ST14: variants seen among roughly 807,000 people sequenced by gnomAD.
ST14 encodes the protein ST14 transmembrane serine protease matriptase, also known as suppressor of tumorigenicity 14 protein.
Under a neutral mutation model 96.5 loss-of-function variants are expected in ST14, and 40 were observed. The observed-to-expected ratio is 0.41, with a 90% CI of 0.32 to 0.54. The LOEUF is 0.54. Ranked by LOEUF, ST14 falls within the 20% of genes least tolerant of loss-of-function variation. ST14 has a pLI of 0.17. For synonymous variants in ST14, 506 were observed against 492.1 expected (o/e 1.03, Z -0.37); for missense variants, 1,066 against 1,188.9 (o/e 0.90, Z 1.52).
At chr11:130,163,408 A>G (rs1225421495) in intron 1 of ST14, among the ~76,000 whole-genome samples, 1 of 151,978 alleles carries the variant, frequency 6.6e-6, no homozygotes, top group Non-Finnish European at 1.5e-5. Context: ...AGAAAATTAA[A>G]CTTTTATTTT....
In ST14 at chr11:130,190,695, G is replaced by A; in HGVS notation, c.875+1G>A. 1 of 1,579,006 alleles carries A rather than the reference G, an allele frequency of 6.3e-7. No homozygotes were observed. Among genetic ancestry groups the A allele is most frequent in the Non-Finnish European group, 8.6e-7 (1 of 1,163,128 alleles). On this transcript the variant is annotated splice_donor_variant, in intron 7 of 18. Transcript: ENST00000278742. LOFTEE classifies it high-confidence loss of function. Reference sequence around the variant, plus strand: ...CCATGGAGCCCCACGCCCTGGTGCAGTGAGTACCCCGGGGGGCGGGTAGGG... The same window carrying A: ...CCATGGAGCCCCACGCCCTGGTGCAATGAGTACCCCGGGGGGCGGGTAGGG...
At position 130,200,016 on chromosome 11, in the gene ST14, G is replaced by T; in HGVS notation, c.1873G>T (p.Glu625Ter). 1 of 1,614,128 alleles carries T rather than the reference G, an allele frequency of 6.2e-7. No individual in the cohort carries two copies. The highest frequency in any genetic ancestry group is 8.5e-7 in the Non-Finnish European group (1 of 1,180,022). Reference sequence around the variant, plus strand: ...TGGGGGCACGGATGCGGATGAGGGCGAGTGGCCCTGGCAGGTAAGCCTGCA... The same window carrying T: ...TGGGGGCACGGATGCGGATGAGGGCTAGTGGCCCTGGCAGGTAAGCCTGCA... The part of the protein sequence containing the change: ...VVGGTDADEG[E>*]WPWQVSLHAL... Residue 625 changes from glutamate (E) to a stop codon, truncating the protein, a stop_gained, in exon 16 of 19, where the codon GAG becomes TAG. Coordinates refer to ENST00000278742, the MANE Select transcript of ST14 (RefSeq NM_021978.4). LOFTEE classifies it high-confidence loss of function.
rs1374277485 is a variant in ST14 at position 130,197,881 on chromosome 11, C to A, written c.1395C>A (p.Ile465=). 1 of 1,595,844 alleles carries A rather than the reference C, an allele frequency of 6.3e-7. No homozygotes were observed. Among genetic ancestry groups the A allele is most frequent in the South Asian group, 1.1e-5 (1 of 88,760 alleles). Residue 465 remains isoleucine, a synonymous_variant, in exon 12 of 19, where the codon ATC becomes ATA. Coordinates refer to ENST00000278742, the MANE Select transcript of ST14 (RefSeq NM_021978.4). ...GQFTCRTGRC[I]RKELRCDGWA... ...TCACGTGCCGCACGGGGCGGTGTAT[C>A]CGGAAGGAGCTGCGCTGTGATGGCT... is the stretch of plus-strand genomic sequence containing the variant.
chr11:130,184,341 C>T (rs983812875), intron 1 of ST14, among the ~76,000 whole-genome samples: 8 of 152,152 alleles, frequency 5.3e-5, no homozygotes, highest in Non-Finnish European at 1.2e-4. Context: ...CAAAGTAGAA[C>T]CAAACGCTGA....
Position 130,198,492 on chromosome 11 carries a change from C to T in ST14, c.1571-16C>T. The T allele has an allele frequency of 6.2e-7, 1 of 1,613,738 alleles. No homozygotes were observed. The highest frequency in any genetic ancestry group is 8.5e-7 in the Non-Finnish European group (1 of 1,179,782). On this transcript the variant is annotated splice_polypyrimidine_tract_variant and intron_variant, in intron 13 of 18. Transcript: ENST00000278742. ...TGACGGTGGCTCCTGGTGGCTGAGT[C>T]CTGGTGCCTCTCCAGGTTGTCCGGC...
chr11:130,160,138 G>A lies in ST14; in HGVS notation c.81+78G>A, dbSNP rs1952988001. ...CTGCAGCGCGGCGCTGGGCTCGGCC[G>A]GCTCCCCTGGCGTGTCCGTCGGTGG... is the stretch of plus-strand genomic sequence containing the variant. On this transcript the variant is annotated intron_variant, in intron 1 of 18. Coordinates refer to ENST00000278742, the MANE Select transcript of ST14 (RefSeq NM_021978.4). The A allele has an allele frequency of 4.8e-6, 5 of 1,035,666 alleles. No individual in the cohort carries two copies. In the East Asian group the frequency reaches 1.3e-4, roughly 28 times the overall value. The allele number at this position is 1,035,666 out of a possible 1,614,324, so 64.2% of individuals were successfully genotyped here. A position where few individuals can be genotyped will look rare whatever the true frequency, so the allele number is the denominator to read the frequency against.
chr11:130,161,229 G>A (rs528305768), intron 1 of ST14, among the ~76,000 whole-genome samples: 1 of 152,314 alleles, frequency 6.6e-6, no homozygotes, highest in South Asian at 2.1e-4. Flanking sequence ...TCAGCAAGGA[G>A]GAAAGCTTCC....
Position 130,190,587 on chromosome 11 carries a change from G to C in ST14, c.768G>C (p.Leu256=). ...WALRGDADSV[L]SLTFRSFDLA... is the part of the protein sequence containing the mutation. ...TGCGGGGGGACGCCGACTCAGTGCT[G>C]AGCCTCACCTTCCGCAGCTTTGACC... The change falls in exon 7 of 19, where the codon CTG becomes CTC. Residue 256 remains leucine, a synonymous_variant. Coordinates refer to ENST00000278742, the MANE Select transcript of ST14 (RefSeq NM_021978.4). The C allele has an allele frequency of 6.2e-7, 1 of 1,613,052 alleles. No individual in the cohort carries two copies. The highest frequency in any genetic ancestry group is 8.5e-7 in the Non-Finnish European group (1 of 1,179,876).
intron 1 of ST14, among the ~76,000 whole-genome samples, chr11:130,166,424 G>A (rs116288760): frequency 6.6e-6 from 1 of 152,196 alleles, no homozygotes; most frequent in South Asian, 2.1e-4. Flanking sequence ...TGTGCCTAAG[G>A]GGGGGTCTGT....
At chr11:130,196,499 G>T (rs1040146450) in intron 10 of ST14, 51 bp downstream of exon 10, 3 of 1,578,334 alleles carry the variant, frequency 1.9e-6, no homozygotes, top group South Asian at 2.2e-5. Flanking sequence ...CAGGGGGAGG[G>T]GTCCCACCAG....
intron 1 of ST14, among the ~76,000 whole-genome samples, chr11:130,174,781 C>T (rs1044395170): frequency 3.3e-5 from 5 of 152,316 alleles, no homozygotes; most frequent in African/African-American, 7.2e-5. Context: ...GTGATAAGCA[C>T]CCAACATCCA....
At position 130,160,149 on chromosome 11, in the gene ST14, C is replaced by T. The variant is rs1050794374; in HGVS notation, c.81+89C>T. On this transcript the variant is annotated intron_variant, in intron 1 of 18. Coordinates refer to ENST00000278742, the MANE Select transcript of ST14 (RefSeq NM_021978.4). ...CGCTGGGCTCGGCCGGCTCCCCTGG[C>T]GTGTCCGTCGGTGGCCGAGCTCTGG... 6 of 932,416 alleles carry T rather than the reference C, an allele frequency of 6.4e-6. No individual in the cohort carries two copies. In the African/African-American group the frequency reaches 8.8e-5, roughly 14 times the overall value. 57.8% of individuals were successfully genotyped at this position (932,416 alleles called of 1,614,324 possible). A position where few individuals can be genotyped will look rare whatever the true frequency, so the allele number is the denominator to read the frequency against.
In ST14 at chr11:130,210,024, G is replaced by A. The variant is rs150230720; in HGVS notation, c.*201G>A. On this transcript the variant is annotated 3_prime_UTR_variant, in exon 19 of 19. Transcript: ENST00000278742. ...TCCAAAGTGGAGCTGGGAGGTAGAA[G>A]GGGAGGACACTGGTGGTTCTACTGA... 3 of 673,464 alleles carry A rather than the reference G, an allele frequency of 4.5e-6. No individual in the cohort carries two copies. Among genetic ancestry groups the A allele is most frequent in the African/African-American group, 1.8e-5 (1 of 55,218 alleles). The allele number at this position is 673,464 out of a possible 1,614,324, so 41.7% of individuals were successfully genotyped here.
chr11:130,183,632 C>T (rs1278787277), intron 1 of ST14, among the ~76,000 whole-genome samples: 2 of 151,948 alleles, frequency 1.3e-5, no homozygotes, highest in East Asian at 1.9e-4. Flanking sequence ...CCATGAACAG[C>T]GTATATTGCT....
chr11:130,204,295 A>G (rs530351), intron 16 of ST14, among the ~76,000 whole-genome samples: 107,792 of 152,136 alleles, frequency 0.71, 38,394 homozygotes, highest in South Asian at 0.78. Flanking sequence ...GTCGATTAAC[A>G]GTGAACGCAG....
intron 11 of ST14, among the ~76,000 whole-genome samples, chr11:130,197,528 C>T (rs1368292810): frequency 6.6e-6 from 1 of 152,174 alleles, no homozygotes; most frequent in Non-Finnish European, 1.5e-5. Context: ...CAGGGCAGGG[C>T]AGGGCAGGGC....
Position 130,160,076 on chromosome 11 carries a change from G to A in ST14, c.81+16G>A. 1.4e-6 allele frequency: 2 copies of A among 1,416,120 alleles called. No homozygotes were observed. The highest frequency in any genetic ancestry group is 1.9e-6 in the Non-Finnish European group (2 of 1,075,430). The allele number at this position is 1,416,120 out of a possible 1,614,324, so 87.7% of individuals were successfully genotyped here. A position where few individuals can be genotyped will look rare whatever the true frequency, so the allele number is the denominator to read the frequency against. ...CCGGCACGAGGTGAGCGCGGGCCGG[G>A]GACCCGGGGCGCTGGGAAGCTCCTG... On this transcript the variant is annotated intron_variant, in intron 1 of 18. Coordinates refer to ENST00000278742, the MANE Select transcript of ST14 (RefSeq NM_021978.4).
At position 130,208,676 on chromosome 11, in the gene ST14, A is replaced by G. The variant is rs1183283750; in HGVS notation, c.2261A>G (p.Gln754Arg). The G allele has an allele frequency of 6.2e-7, 1 of 1,612,970 alleles. No homozygotes were observed. The highest frequency in any genetic ancestry group is 8.5e-7 in the Non-Finnish European group (1 of 1,179,342). ...AIWVTGWGHT[Q>R]YGGTGALILQ... ...TGGGTCACGGGCTGGGGACACACCC[A>G]GTATGGAGGTAAGCTTCGGGCTGAC... The change falls in exon 17 of 19, where the codon CAG (glutamine) becomes CGG (arginine). Residue 754 changes from glutamine (Q) to arginine (R), a missense_variant. By Grantham distance (43) the Gln-to-Arg change is conservative (BLOSUM62 1). Coordinates refer to ENST00000278742, the MANE Select transcript of ST14 (RefSeq NM_021978.4).
At chr11:130,202,100 G>A (rs1953434977) in intron 16 of ST14, among the ~76,000 whole-genome samples, 1 of 152,210 alleles carries the variant, frequency 6.6e-6, no homozygotes, top group Non-Finnish European at 1.5e-5. Flanking sequence ...TGTCACCATG[G>A]TGTCATGTCC....
Sources: gnomAD v4.1 joint callset for allele counts (sites outside exome capture counted in the v4.1 genomes callset) on GRCh38, gnomAD v4.1.1 for gene constraint, MANE v1.5 for transcripts, NCBI Gene and HGNC (gene_info 2026-07-23, HGNC 2026-07-21) for gene names.